The following PPP2R3C variants were observed in gnomAD, a reference collection of about 807,000 sequenced individuals.
PPP2R3C encodes the protein protein phosphatase 2 regulatory subunit B''gamma, also known as serine/threonine-protein phosphatase 2A regulatory subunit B'' subunit gamma.
Under a neutral mutation model 63.7 loss-of-function variants are expected in PPP2R3C, and 47 were observed. That is an observed-to-expected ratio of 0.74 (90% CI 0.58 to 0.94). The LOEUF is 0.94. Ranked by LOEUF, PPP2R3C falls within the 40% of genes least tolerant of loss-of-function variation. The pLI, the probability that PPP2R3C is intolerant of heterozygous loss-of-function variation, is 0.00. For missense variants in PPP2R3C, 421 were observed against 518.4 expected (o/e 0.81, Z 1.82); for synonymous variants, 180 against 177.4 (o/e 1.01, Z -0.12).
intron 7 of PPP2R3C, among the ~76,000 whole-genome samples, chr14:35,097,223 C>CAA (rs58639725): frequency 3.5e-5 from 5 of 143,296 alleles, no homozygotes; most frequent in African/African-American, 1.3e-4. Context: ...CCCCACCCTG[C>CAA]AAAAAAAAAA....
In PPP2R3C at chr14:35,085,680, T is replaced by C. The variant is rs1169070991; in HGVS notation, c.1272A>G (p.Leu424=). 3 of 1,613,042 alleles carry C rather than the reference T, an allele frequency of 1.9e-6. No individual in the cohort carries two copies. The highest frequency in any genetic ancestry group is 2.5e-6 in the Non-Finnish European group (3 of 1,179,204). The change falls in exon 13 of 13, where the codon CTA becomes CTG. Residue 424 remains leucine, a synonymous_variant. Coordinates refer to ENST00000261475, the MANE Select transcript of PPP2R3C (RefSeq NM_017917.4). ...SNQGDTVTTI[L]IDLNGFWTYE... Reference sequence around the variant, plus strand: ...AAGTCCAGAAGCCATTCAAATCGATTAGAATGGTGGTTACTGTGTCTCCTT... The same window carrying C: ...AAGTCCAGAAGCCATTCAAATCGATCAGAATGGTGGTTACTGTGTCTCCTT...
At chr14:35,096,664 T>C (rs779650655) in intron 8 of PPP2R3C, 31 bp from the exon 9 acceptor site, 53 of 1,609,966 alleles carry the variant, frequency 3.3e-5, no homozygotes, top group Non-Finnish European at 4.2e-5. Context: ...AATTAGAAGA[T>C]AGCAACTGTC....
At chr14:35,111,105 T>G (rs1462132881) in intron 2 of PPP2R3C, among the ~76,000 whole-genome samples, 1 of 151,908 alleles carries the variant, frequency 6.6e-6, no homozygotes, top group Non-Finnish European at 1.5e-5. Context: ...CATGGTGGCA[T>G]GTGCCTGTAG....
intron 1 of PPP2R3C, among the ~76,000 whole-genome samples, chr14:35,120,380 G>A (rs929152994): frequency 6.6e-6 from 1 of 151,660 alleles, no homozygotes; most frequent in Non-Finnish European, 1.5e-5. Context: ...GAGTAGCTGG[G>A]ACTATAGGCG....
rs758892505 is a variant in PPP2R3C, at chr14:35,109,856, A to C, written c.367T>G (p.Phe123Val). The stretch of plus-strand genomic sequence containing the variant: ...CCAGCCTTTTCACCAACCTTCAAAA[A>C]GTTTTCGTAATTGATCATCGCTTCC... ...GEEAMINYENFLKVGEKAGAK... is the reference protein window; with the variant it reads ...GEEAMINYENVLKVGEKAGAK... The change falls in exon 4 of 13, where the codon TTT becomes GTT. Residue 123 changes from phenylalanine to valine, a missense_variant. Phe to Val is a conservative substitution (Grantham distance 50, BLOSUM62 -1). Transcript: ENST00000261475. The C allele has an allele frequency of 6.2e-7, 1 of 1,609,926 alleles. No homozygotes were observed. Among genetic ancestry groups the C allele is most frequent in the South Asian group, 1.1e-5 (1 of 90,858 alleles).
intron 7 of PPP2R3C, 82 bp from the exon 8 acceptor site, chr14:35,096,846 A>G (rs2046015486): frequency 8.2e-7 from 1 of 1,225,326 alleles, no homozygotes; most frequent in Non-Finnish European, 1.1e-6. Context: ...TTTTTTAACA[A>G]GAGCAATCAC....
At chr14:35,093,020 C>G (rs936316492) in intron 10 of PPP2R3C, among the ~76,000 whole-genome samples, 4 of 151,876 alleles carry the variant, frequency 2.6e-5, no homozygotes, top group African/African-American at 4.8e-5. Context: ...ACCATACTGG[C>G]TAACACGGTG....
intron 5 of PPP2R3C, 80 bp from the exon 6 acceptor site, chr14:35,107,454 G>A: frequency 1.7e-6 from 2 of 1,151,746 alleles, no homozygotes; most frequent in East Asian, 2.4e-5. Context: ...AGCCAGATTT[G>A]AGACAAGCTA....
chr14:35,107,226 C>A, intron 6 of PPP2R3C, 78 bp downstream of exon 6: 2 of 1,101,144 alleles, frequency 1.8e-6, no homozygotes, highest in Non-Finnish European at 2.7e-6. Context: ...GCCTGTAATC[C>A]CAACACCCAG....
At chr14:35,093,172 C>T (rs1274887816) in intron 10 of PPP2R3C, among the ~76,000 whole-genome samples, 1 of 152,038 alleles carries the variant, frequency 6.6e-6, no homozygotes, top group East Asian at 1.9e-4. Flanking sequence ...GAGATCGCGC[C>T]ACTGCACTCC....
At chr14:35,086,498 C>CTT (rs1159003633) in intron 12 of PPP2R3C, 4 of 125,350 alleles carry the variant, frequency 3.2e-5, no homozygotes, top group African/African-American at 6.0e-5. Context: ...TGCGCCCAGC[C>CTT]TTTTTTTTTT....
At chr14:35,089,758 T>C (rs540402206) in intron 11 of PPP2R3C, among the ~76,000 whole-genome samples, 16 of 152,214 alleles carry the variant, frequency 1.1e-4, no homozygotes, top group Non-Finnish European at 1.3e-4. Flanking sequence ...CTCTGCCTCC[T>C]GGGTTCATGC....
chr14:35,091,718 TTTTTA>T (rs2045823974), intron 10 of PPP2R3C, among the ~76,000 whole-genome samples: 1 of 151,400 alleles, frequency 6.6e-6, no homozygotes, highest in African/African-American at 2.4e-5. Context: ...ACATAGTTCT[TTTTTA>T]TTTATTTATT....
At chr14:35,099,503 C>T in intron 6 of PPP2R3C, 119 bp from the exon 7 acceptor site, 1 of 1,209,080 alleles carries the variant, frequency 8.3e-7, no homozygotes, top group East Asian at 3.1e-5. Context: ...AAATGCATGA[C>T]TATTTTAGTG....
In PPP2R3C at chr14:35,095,150, G is replaced by T; in HGVS notation, c.873C>A (p.Gly291=). The change falls in exon 10 of 13, where the codon GGC becomes GGA. Residue 291 remains glycine, a synonymous_variant. Coordinates refer to ENST00000261475, the MANE Select transcript of PPP2R3C (RefSeq NM_017917.4). ...QYLNLDKDHN[G]MLSKEELSRY... ...GTGAGAGTTCTTCTTTACTGAGCATGCCATTGTGATCTTTATCAAGATTCA... is the reference window on the plus strand; with the variant it reads ...GTGAGAGTTCTTCTTTACTGAGCATTCCATTGTGATCTTTATCAAGATTCA... 1 of 1,613,560 alleles carries T rather than the reference G, an allele frequency of 6.2e-7. No individual in the cohort carries two copies. Among genetic ancestry groups the T allele is most frequent in the East Asian group, 2.2e-5 (1 of 44,880 alleles).
intron 10 of PPP2R3C, 104 bp downstream of exon 10, chr14:35,094,944 A>T: frequency 1.6e-6 from 2 of 1,247,250 alleles, no homozygotes; most frequent in Non-Finnish European, 2.2e-6. Context: ...ACAGAGCAAG[A>T]CTCTGTCTCA....
At chr14:35,096,947 G>A (rs1322818842) in intron 7 of PPP2R3C, among the ~76,000 whole-genome samples, 183 bp from the exon 8 acceptor site, 1 of 152,166 alleles carries the variant, frequency 6.6e-6, no homozygotes, top group African/African-American at 2.4e-5. Flanking sequence ...GGGCGCGGTG[G>A]CTCACCGCGT....
At chr14:35,098,240 G>A (rs1181791582) in intron 7 of PPP2R3C, among the ~76,000 whole-genome samples, 1 of 150,330 alleles carries the variant, frequency 6.7e-6, no homozygotes, top group Non-Finnish European at 1.5e-5. Context: ...AAGTGCAGTG[G>A]CCCGATCTTG....
chr14:35,108,278 A>G, intron 4 of PPP2R3C, 42 bp from the exon 5 acceptor site: 4 of 1,529,656 alleles, frequency 2.6e-6, no homozygotes, highest in Non-Finnish European at 3.5e-6. Context: ...TGCCAACATA[A>G]AAGAAAATGA....
Sources: gnomAD v4.1 joint callset for allele counts (sites outside exome capture counted in the v4.1 genomes callset) on GRCh38, gnomAD v4.1.1 for gene constraint, MANE v1.5 for transcripts, NCBI Gene and HGNC (gene_info 2026-07-23, HGNC 2026-07-21) for gene names.